The following CIMIP4 variants were observed in gnomAD, a reference collection of about 807,000 sequenced individuals.
The protein encoded by CIMIP4 is protein EAN57.
At chr22:36,998,746 A>C in the CIMIP4 span, among the ~76,000 whole-genome samples, 1 of 152,110 alleles carries the variant, frequency 6.6e-6, no homozygotes, top group Non-Finnish European at 1.5e-5. Flanking sequence ...ACAGGACTAC[A>C]CTGATCCAAT....
At chr22:37,004,270 C>T in the CIMIP4 span, among the ~76,000 whole-genome samples, 1 of 152,106 alleles carries the variant, frequency 6.6e-6, no homozygotes, top group East Asian at 1.9e-4. Flanking sequence ...CTCTGAAAAG[C>T]CCTGGCCACC....
chr22:37,000,353 G>T, the CIMIP4 span, among the ~76,000 whole-genome samples: 1 of 152,184 alleles, frequency 6.6e-6, no homozygotes, highest in Non-Finnish European at 1.5e-5. Context: ...AGTTCACATG[G>T]CTGGCAGGGC....
chr22:37,003,441 C>T, the CIMIP4 span, among the ~76,000 whole-genome samples: 1 of 152,210 alleles, frequency 6.6e-6, no homozygotes, highest in Non-Finnish European at 1.5e-5. Context: ...TCAGTCACGC[C>T]TGCATCAAAA....
the CIMIP4 span, chr22:37,003,838 C>G: frequency 1.1e-6 from 1 of 895,792 alleles, no homozygotes; most frequent in Admixed American, 3.5e-5. Flanking sequence ...GAAGCCTGGG[C>G]CGATGGTGGG....
At chr22:36,999,895 G>C in the CIMIP4 span, 4 of 1,613,870 alleles carry the variant, frequency 2.5e-6, no homozygotes, top group Middle Eastern at 1.7e-4. Flanking sequence ...CTGAGAAGAC[G>C]GAGGAGATTT....
At chr22:37,006,686 G>A in the CIMIP4 span, among the ~76,000 whole-genome samples, 28 of 152,326 alleles carry the variant, frequency 1.8e-4, no homozygotes, top group African/African-American at 6.3e-4. Flanking sequence ...TATTTTGCAT[G>A]TGGAAGGGAT....
chr22:37,003,209 G>A, the CIMIP4 span, among the ~76,000 whole-genome samples: 1 of 152,170 alleles, frequency 6.6e-6, no homozygotes. Context: ...GATTCCCTAG[G>A]CTCTCATTAA....
At chr22:36,998,079 C>G in the CIMIP4 span, among the ~76,000 whole-genome samples, 1 of 152,220 alleles carries the variant, frequency 6.6e-6, no homozygotes, top group Non-Finnish European at 1.5e-5. Flanking sequence ...CTATGAGCTC[C>G]AGCACACCCT....
chr22:36,995,484 G>A, the CIMIP4 span, among the ~76,000 whole-genome samples: 1 of 152,128 alleles, frequency 6.6e-6, no homozygotes, highest in East Asian at 1.9e-4. Context: ...ACTCACCGTG[G>A]CCATATTCCT....
chr22:36,999,334 G>A, the CIMIP4 span, among the ~76,000 whole-genome samples: 1 of 148,452 alleles, frequency 6.7e-6, no homozygotes, highest in Non-Finnish European at 1.5e-5. Context: ...AAAAAAATTA[G>A]CCAGGTATGG....
chr22:37,002,020 C>CGAG, the CIMIP4 span: 12 of 1,612,132 alleles, frequency 7.4e-6, no homozygotes, highest in East Asian at 2.7e-4. Flanking sequence ...TGTTCTCTCT[C>CGAG]GAGGAGGATC....
the CIMIP4 span, among the ~76,000 whole-genome samples, chr22:36,992,881 AAT>A: frequency 6.6e-6 from 1 of 150,848 alleles, no homozygotes; most frequent in Non-Finnish European, 1.5e-5. Context: ...GGAGGCCGAG[AAT>A]ATATATATAA....
At chr22:36,996,782 T>C in the CIMIP4 span, among the ~76,000 whole-genome samples, 2 of 152,182 alleles carry the variant, frequency 1.3e-5, no homozygotes, top group Admixed American at 1.3e-4. Flanking sequence ...TGACCAGATA[T>C]CAGGCTACTT....
At chr22:36,991,163 C>A in the CIMIP4 span, 2 of 1,606,028 alleles carry the variant, frequency 1.2e-6, no homozygotes, top group African/African-American at 1.3e-5. Context: ...TAGAAGACAC[C>A]TCTACTGTGT....
At chr22:37,001,690 C>T in the CIMIP4 span, 4 of 773,760 alleles carry the variant, frequency 5.2e-6, no homozygotes, top group African/African-American at 3.5e-5. Context: ...GAAGTTTAAA[C>T]AGTGCACAGT....
chr22:36,997,263 T>C, the CIMIP4 span, among the ~76,000 whole-genome samples: 1 of 152,170 alleles, frequency 6.6e-6, no homozygotes, highest in African/African-American at 2.4e-5. Flanking sequence ...AACTAAAAAT[T>C]TTAGAAGACT....
the CIMIP4 span, chr22:37,004,128 C>T: frequency 3.4e-5 from 36 of 1,071,450 alleles, 1 homozygote; most frequent in African/African-American, 1.6e-4. Context: ...GCTGTCTGCC[C>T]GCCCCTGATC....
At chr22:37,006,810 G>A in the CIMIP4 span, among the ~76,000 whole-genome samples, 65 of 152,308 alleles carry the variant, frequency 4.3e-4, no homozygotes, top group Non-Finnish European at 4.6e-4. Flanking sequence ...ACATAGTGAT[G>A]AATGGAATGT....
the CIMIP4 span, among the ~76,000 whole-genome samples, chr22:37,006,514 G>A: frequency 6.6e-6 from 1 of 152,210 alleles, no homozygotes; most frequent in African/African-American, 2.4e-5. Flanking sequence ...TAGTTTCACA[G>A]ATCTATGATG....
Sources: allele counts gnomAD v4.1 joint callset (sites outside exome capture counted in the v4.1 genomes callset), GRCh38; gene constraint gnomAD v4.1.1; transcripts MANE v1.5; gene names NCBI Gene and HGNC (gene_info 2026-07-23, HGNC 2026-07-21).